The following NCAPG variants were observed in gnomAD, a reference collection of about 807,000 sequenced individuals.
The protein encoded by NCAPG is non-SMC condensin I complex subunit G.
In NCAPG, 69 loss-of-function variants were observed where a neutral mutation model predicts 113.1. The observed-to-expected ratio is 0.61, with a 90% CI of 0.50 to 0.75. NCAPG has a LOEUF of 0.75. NCAPG is among the 30% of genes least tolerant of loss of function. The pLI is 0.00. For missense variants in NCAPG, 1,058 were observed against 1,177.0 expected (o/e 0.90, Z 1.48); for synonymous variants, 370 against 415.8 (o/e 0.89, Z 1.34).
At chr4:17,834,220 A>T (rs963035297) in intron 13 of NCAPG, 79 bp from the exon 14 acceptor site, 1 of 904,920 alleles carries the variant, frequency 1.1e-6, no homozygotes, top group African/African-American at 1.7e-5. Flanking sequence ...AAAAAACAAG[A>T]TACATATTAA....
In NCAPG at chr4:17,817,919, ACT is replaced by A. The variant is rs768606450; in HGVS notation, c.969-17_969-16del. The A allele has an allele frequency of 5.1e-6, 8 of 1,579,020 alleles. No individual in the cohort carries two copies. The highest frequency in any genetic ancestry group is 6.9e-6 in the Non-Finnish European group (8 of 1,167,152). On this transcript the variant is annotated intron_variant, in intron 6 of 20. Coordinates refer to ENST00000251496, the MANE Select transcript of NCAPG (RefSeq NM_022346.5). ...ATAAAAAGATCATGCTTTCTCTCAC[ACT>A]CTTTCTTTTAAATGAAGGAAATTGA...
intron 16 of NCAPG, among the ~76,000 whole-genome samples, chr4:17,839,315 T>C (rs1439168715): frequency 6.6e-6 from 1 of 152,160 alleles, no homozygotes; most frequent in Non-Finnish European, 1.5e-5. Flanking sequence ...AGTCATTGGA[T>C]TTGGACAAAT....
At chr4:17,823,840 T>C in intron 9 of NCAPG, 70 bp downstream of exon 9, 1 of 1,300,032 alleles carries the variant, frequency 7.7e-7, no homozygotes, top group South Asian at 1.3e-5. Flanking sequence ...TTATTTTCTG[T>C]TTAGAACTTT....
chr4:17,822,442 G>A (rs777772262), intron 7 of NCAPG, among the ~76,000 whole-genome samples: 1 of 151,744 alleles, frequency 6.6e-6, no homozygotes, highest in African/African-American at 2.4e-5. Flanking sequence ...CACCTGCCTC[G>A]GCCTCCCAAA....
intron 9 of NCAPG, among the ~76,000 whole-genome samples, chr4:17,824,449 C>G (rs1441581535): frequency 2.0e-5 from 3 of 152,086 alleles, no homozygotes; most frequent in Non-Finnish European, 4.4e-5. Context: ...TATTCAGCAT[C>G]TGCTTAAATA....
rs141944668 is a variant in NCAPG at position 17,825,273 on chromosome 4, C to G, written c.1474-109C>G. 1.1e-5 allele frequency: 11 copies of G among 1,009,450 alleles called. No homozygotes were observed. The Middle Eastern group carries it at 9.8e-4, about 90-fold the overall frequency. The allele number at this position is 1,009,450 out of a possible 1,614,324, so 62.5% of individuals were successfully genotyped here. On this transcript the variant is annotated intron_variant, in intron 10 of 20. Coordinates refer to ENST00000251496, the MANE Select transcript of NCAPG (RefSeq NM_022346.5). The stretch of plus-strand genomic sequence containing the variant: ...AAACTACAAGTTTGCATATGCCTGA[C>G]TCATTAAATTCTGGGCAGTTGAGAT...
At chr4:17,812,884 CTA>C (rs1305448471) in intron 2 of NCAPG, 31 bp from the exon 3 acceptor site, 4 of 1,557,576 alleles carry the variant, frequency 2.6e-6, no homozygotes, top group South Asian at 2.2e-5. Context: ...TGGTATGTGA[CTA>C]TGAATAAATT....
Position 17,843,546 on chromosome 4 carries a change from C to T in NCAPG, c.*121C>T, listed in dbSNP as rs1722635453. The T allele has an allele frequency of 2.7e-5, 30 of 1,112,358 alleles. No individual in the cohort carries two copies. The highest frequency in any genetic ancestry group is 9.2e-5 in the Admixed American group (4 of 43,518). 68.9% of individuals were successfully genotyped at this position (1,112,358 alleles called of 1,614,324 possible). A position where few individuals can be genotyped will look rare whatever the true frequency, so the allele number is the denominator to read the frequency against. Reference sequence around the variant, plus strand: ...GTCTTTCTGAAGATTTTCTGCTGTGCGCTTCCACGTTACTTTGGCCTGTAT... The same window carrying T: ...GTCTTTCTGAAGATTTTCTGCTGTGTGCTTCCACGTTACTTTGGCCTGTAT... On this transcript the variant is annotated 3_prime_UTR_variant, in exon 21 of 21. Coordinates refer to ENST00000251496, the MANE Select transcript of NCAPG (RefSeq NM_022346.5).
chr4:17,832,545 G>A (rs145231200), intron 13 of NCAPG, among the ~76,000 whole-genome samples: 29 of 152,244 alleles, frequency 1.9e-4, no homozygotes, highest in African/African-American at 6.7e-4. Flanking sequence ...GGCATGATAA[G>A]TTTACAGTTT....
In NCAPG at chr4:17,812,223, GGAT is replaced by G. The variant is rs762855297; in HGVS notation, c.118_120del (p.Asp40del). 5 of 1,610,010 alleles carry G rather than the reference GGAT, an allele frequency of 3.1e-6. No homozygotes were observed. The highest frequency in any genetic ancestry group is 1.3e-5 in the African/African-American group (1 of 74,692). On this transcript the variant is annotated inframe_deletion, in exon 2 of 21. Transcript: ENST00000251496. ...GAAGGGTTTCTTTTGTCTTTCAGAT[GGAT>G]GATAAGACAGTTTTTCATGAGGAGT...
At chr4:17,842,646 CCT>C (rs1168567799) in intron 20 of NCAPG, 2 of 319,618 alleles carry the variant, frequency 6.3e-6, no homozygotes, top group African/African-American at 4.3e-5. Flanking sequence ...TGATGTGACT[CCT>C]CTTTGATCTT....
intron 7 of NCAPG, among the ~76,000 whole-genome samples, chr4:17,822,495 T>G (rs2109050548): frequency 6.6e-6 from 1 of 152,252 alleles, no homozygotes; most frequent in Middle Eastern, 3.4e-3. Flanking sequence ...CGGCTGAAGA[T>G]TAGATCTTTA....
At chr4:17,835,462 G>T (rs1283545249) in intron 14 of NCAPG, among the ~76,000 whole-genome samples, 1 of 151,430 alleles carries the variant, frequency 6.6e-6, no homozygotes, top group African/African-American at 2.5e-5. Flanking sequence ...AGAGTGCTGG[G>T]ATTACAAGTG....
intron 7 of NCAPG, among the ~76,000 whole-genome samples, chr4:17,822,508 A>G (rs906148648): frequency 6.6e-6 from 1 of 151,962 alleles, no homozygotes; most frequent in Admixed American, 6.6e-5. Context: ...GATCTTTATG[A>G]CTAATTGGAT....
chr4:17,817,550 CT>C, intron 6 of NCAPG, 97 bp downstream of exon 6: 1 of 922,072 alleles, frequency 1.1e-6, no homozygotes, highest in South Asian at 1.7e-5. Flanking sequence ...ATATTAATAC[CT>C]TTAATCTTAA....
In NCAPG at chr4:17,842,316, GA is replaced by G; in HGVS notation, c.2865del (p.Val956Ter). 1.9e-6 allele frequency: 3 copies of G among 1,611,880 alleles called. No homozygotes were observed. Among genetic ancestry groups the G allele is most frequent in the Non-Finnish European group, 2.5e-6 (3 of 1,178,326 alleles). On this transcript the variant is annotated frameshift_variant, in exon 20 of 21. Coordinates refer to ENST00000251496, the MANE Select transcript of NCAPG (RefSeq NM_022346.5). LOFTEE classifies it high-confidence loss of function. ...STQLKTNRGQ[R>X]KVTVSARTNR... is the part of the protein sequence containing the mutation. ...GAATTATACTATCTTCAAGGACAGA[GA>G]AAAGTGACAGTTTCAGCTAGGACGA...
At chr4:17,828,060 C>T (rs552692059) in intron 11 of NCAPG, among the ~76,000 whole-genome samples, 6 of 152,064 alleles carry the variant, frequency 3.9e-5, no homozygotes, top group African/African-American at 1.4e-4. Context: ...CTTGGCCCCC[C>T]AAAGTGCTAG....
chr4:17,817,214 A>C, intron 5 of NCAPG, 47 bp from the exon 6 acceptor site: 1 of 1,368,594 alleles, frequency 7.3e-7, no homozygotes, highest in African/African-American at 1.4e-5. Context: ...CAAGAGATGG[A>C]AGCTAGAGGG....
chr4:17,842,463 A>G (rs934702002), intron 20 of NCAPG, 84 bp downstream of exon 20: 1 of 1,034,424 alleles, frequency 9.7e-7, no homozygotes, highest in African/African-American at 1.6e-5. Context: ...TTTCTTGCGA[A>G]TGAGAGAGAA....
Sources: allele counts gnomAD v4.1 joint callset (sites outside exome capture counted in the v4.1 genomes callset), GRCh38; gene constraint gnomAD v4.1.1; transcripts MANE v1.5; gene names NCBI Gene and HGNC (gene_info 2026-07-23, HGNC 2026-07-21).